Variants in ART1 observed in about 807,000 individuals in gnomAD.
ART1 encodes the protein GPI-linked NAD(P)(+)--arginine ADP-ribosyltransferase 1.
A neutral mutation model predicts 27.0 loss-of-function variants in ART1; 29 were observed. The observed-to-expected ratio is 1.08, with a 90% confidence interval of 0.80 to 1.47. The LOEUF is 1.47. ART1 is among the 40% of genes most tolerant of loss of function. ART1 has a pLI of 0.00. For synonymous variants in ART1, 201 were observed against 172.2 expected (o/e 1.17, Z -1.31); for missense variants, 480 against 423.0 (o/e 1.13, Z -1.18).
intron 3 of ART1, 87 bp from the exon 4 acceptor site, chr11:3,661,285 G>A: frequency 8.0e-7 from 1 of 1,256,642 alleles, no homozygotes; most frequent in Admixed American, 2.2e-5. Flanking sequence ...CCTAGAACAA[G>A]TCAGGGATGG....
At chr11:3,660,405 A>C (rs754379630) in intron 3 of ART1, 42 bp downstream of exon 3, 2 of 1,561,890 alleles carry the variant, frequency 1.3e-6, no homozygotes. Context: ...CGGAAGGTGG[A>C]CCTTCCACAT....
intron 1 of ART1, 132 bp from the exon 2 acceptor site, chr11:3,659,030 C>G (rs2077596442): frequency 1.7e-6 from 1 of 605,244 alleles, no homozygotes; most frequent in Non-Finnish European, 2.9e-6. Flanking sequence ...TTCCTTTCAG[C>G]AAGAAGGGTC....
At chr11:3,651,440 T>C (rs2077521008) in intron 1 of ART1, among the ~76,000 whole-genome samples, 1 of 43,322 alleles carries the variant, frequency 2.3e-5, no homozygotes, top group Admixed American at 3.8e-4. Flanking sequence ...CAAACCTCAA[T>C]CCCTTCCAAA....
chr11:3,652,592 A>G (rs951437220), intron 1 of ART1, among the ~76,000 whole-genome samples: 2 of 152,160 alleles, frequency 1.3e-5, no homozygotes, highest in Admixed American at 6.5e-5. Flanking sequence ...GCTCCTGTAT[A>G]GACGCTCCTT....
chr11:3,650,466 G>C (rs897964996), intron 1 of ART1, among the ~76,000 whole-genome samples: 1 of 152,162 alleles, frequency 6.6e-6, no homozygotes, highest in African/African-American at 2.4e-5. Flanking sequence ...TCCGAGCTTT[G>C]AGTAACTCTC....
intron 1 of ART1, among the ~76,000 whole-genome samples, chr11:3,650,709 CTT>C (rs2077514646): frequency 2.0e-5 from 3 of 152,152 alleles, no homozygotes; most frequent in South Asian, 4.1e-4. Context: ...GGCAGAGACA[CTT>C]TAACTAAATT....
rs1217422617 is a variant in ART1, at chr11:3,664,368, C to G, written c.*179C>G. 2.1e-5 allele frequency: 13 copies of G among 617,118 alleles called. No individual in the cohort carries two copies. The highest frequency in any genetic ancestry group is 2.1e-4 in the South Asian group (11 of 52,546). The allele number at this position is 617,118 out of a possible 1,614,324, so 38.2% of individuals were successfully genotyped here. Reference sequence around the variant, plus strand: ...ACAGGAGACAATCTGGGGACTGAACCTTACCCAGGGCTGTAGGAGTGAGAC... The same window carrying G: ...ACAGGAGACAATCTGGGGACTGAACGTTACCCAGGGCTGTAGGAGTGAGAC... On this transcript the variant is annotated 3_prime_UTR_variant, in exon 5 of 5. Transcript: ENST00000250693.
At position 3,647,484 on chromosome 11, in the gene ART1, A is replaced by T. The variant is rs1025584971; in HGVS notation, c.-53+2305A>T. Among the ~76,000 whole-genome samples the T allele has an allele frequency of 5.3e-5, 8 of 151,638 alleles. 1 individual carries two copies. The highest frequency in any genetic ancestry group is 5.3e-4 in the Admixed American group (8 of 15,190). Reference sequence around the variant, plus strand: ...AACCCCTTCTCAACTAAATACAAAAATTAGCTGGGCGTGCTTGTGGGCACC... The same window carrying T: ...AACCCCTTCTCAACTAAATACAAAATTTAGCTGGGCGTGCTTGTGGGCACC... On this transcript the variant is annotated intron_variant, in intron 1 of 4. Transcript: ENST00000250693.
At chr11:3,657,171 A>C (rs569023203) in intron 1 of ART1, among the ~76,000 whole-genome samples, 1 of 152,218 alleles carries the variant, frequency 6.6e-6, no homozygotes, top group Non-Finnish European at 1.5e-5. Flanking sequence ...CTTGATATTT[A>C]TGTAACATTT....
At chr11:3,646,955 TG>T (rs2077473516) in intron 1 of ART1, among the ~76,000 whole-genome samples, 1 of 152,142 alleles carries the variant, frequency 6.6e-6, no homozygotes, top group Non-Finnish European at 1.5e-5. Context: ...CACTTAAACA[TG>T]TGTAAAGAGG....
intron 1 of ART1, among the ~76,000 whole-genome samples, chr11:3,653,355 G>A (rs2077542277): frequency 6.7e-6 from 1 of 148,250 alleles, no homozygotes; most frequent in Non-Finnish European, 1.5e-5. Flanking sequence ...GCCGGTTCCT[G>A]CCTTAACTGA....
At chr11:3,652,595 C>T (rs142940691) in intron 1 of ART1, among the ~76,000 whole-genome samples, 11,213 of 151,964 alleles carry the variant, frequency 0.074, 877 homozygotes, top group African/African-American at 0.19. Flanking sequence ...CCTGTATAGA[C>T]GCTCCTTTTT....
At chr11:3,651,823 C>T (rs936631717) in intron 1 of ART1, among the ~76,000 whole-genome samples, 6 of 151,508 alleles carry the variant, frequency 4.0e-5, no homozygotes, top group African/African-American at 1.2e-4. Flanking sequence ...ACACCTGACC[C>T]CCATGACTGT....
chr11:3,660,093 CG>C lies in ART1; in HGVS notation c.577del (p.Ala193ProfsTer3), dbSNP rs1565044999. 1 of 1,613,646 alleles carries C rather than the reference CG, an allele frequency of 6.2e-7. No homozygotes were observed. The highest frequency in any genetic ancestry group is 1.3e-5 in the African/African-American group (1 of 75,044). The part of the protein sequence containing the change: ...HGLRFRPAGP[R>X]ATVRLGGFAS... ...CCTGCGCTTCCGGCCAGCAGGGCCC[CG>C]GGCCACCGTGAGGCTGGGGGGCTTT... On this transcript the variant is annotated frameshift_variant, in exon 3 of 5. Coordinates refer to ENST00000250693, the MANE Select transcript of ART1 (RefSeq NM_004314.3). LOFTEE classifies it high-confidence loss of function.
At chr11:3,653,585 T>A (rs528152801) in intron 1 of ART1, among the ~76,000 whole-genome samples, 196 of 152,310 alleles carry the variant, frequency 1.3e-3, no homozygotes, top group African/African-American at 4.5e-3. Context: ...ATTAAAAGCT[T>A]TATTGCTCAC....
rs1263587504 is a variant in ART1, at chr11:3,659,891, C to T, written c.372C>T (p.Asn124=). The T allele has an allele frequency of 1.9e-6, 3 of 1,612,696 alleles. No individual in the cohort carries two copies. Among genetic ancestry groups the T allele is most frequent in the Non-Finnish European group, 2.5e-6 (3 of 1,179,480 alleles). Residue 124 remains asparagine, a synonymous_variant, in exon 3 of 5, where the codon AAC becomes AAT. Coordinates refer to ENST00000250693, the MANE Select transcript of ART1 (RefSeq NM_004314.3). ...HGVALLAYTA[N]SPLHKEFNAA... ...TGGCCCTCCTGGCCTACACAGCCAA[C>T]AGCCCCCTGCACAAGGAGTTCAATG...
intron 4 of ART1, 79 bp downstream of exon 4, chr11:3,661,492 T>TTTTTC: frequency 1.8e-6 from 1 of 568,678 alleles, no homozygotes; most frequent in Non-Finnish European, 2.4e-6. Flanking sequence ...ACCTCGATCT[T>TTTTTC]TTTTTTTTTT....
chr11:3,660,350 C>G lies in ART1; in HGVS notation c.831C>G (p.Cys277Trp). 3 of 1,601,066 alleles carry G rather than the reference C, an allele frequency of 1.9e-6. No individual in the cohort carries two copies. The highest frequency in any genetic ancestry group is 2.5e-6 in the Non-Finnish European group (3 of 1,178,494). The part of the protein sequence containing the change: ...RALGKHSTYN[C>W]EYIKDKKCKS... ...TGGGCAAGCACAGCACCTACAACTG[C>G]GAGTACATCAAAGGTAGGAGGGCAA... The change falls in exon 3 of 5, where the codon TGC becomes TGG. Residue 277 changes from cysteine (C) to tryptophan (W), a missense_variant. Coordinates refer to ENST00000250693, the MANE Select transcript of ART1 (RefSeq NM_004314.3).
chr11:3,660,468 C>A, intron 3 of ART1, 105 bp downstream of exon 3: 1 of 1,324,370 alleles, frequency 7.6e-7, no homozygotes, highest in Non-Finnish European at 1.0e-6. Flanking sequence ...CCCAGGGATA[C>A]ATAAATACAA....
Sources: allele counts gnomAD v4.1 joint callset (sites outside exome capture counted in the v4.1 genomes callset), GRCh38; gene constraint gnomAD v4.1.1; transcripts MANE v1.5; gene names NCBI Gene and HGNC (gene_info 2026-07-23, HGNC 2026-07-21).